RUVBL1: variants seen among roughly 807,000 people sequenced by gnomAD.
The protein encoded by RUVBL1 is RuvB like AAA ATPase 1, also known as ruvB-like 1.
RUVBL1 carries 4 observed loss-of-function variants against 52.4 expected under a neutral mutation model. The ratio of observed to expected loss-of-function variants is 0.08; its 90% confidence interval spans 0.04 to 0.17. The LOEUF (loss-of-function observed/expected upper bound fraction) is 0.17, where lower values mean the gene tolerates loss of function less well. Ranked by LOEUF, RUVBL1 falls within the 10% of genes least tolerant of loss-of-function variation. The probability of loss-of-function intolerance (pLI) is 1.00; values close to 1 mark genes in which losing one functional copy is unlikely to be tolerated. For missense variants in RUVBL1, 298 were observed against 572.8 expected (o/e 0.52, Z 4.90); for synonymous variants, 217 against 214.4 (o/e 1.01, Z -0.10).
chr3:128,148,829 T>G (rs1057386464), intron 1 of RUVBL1, among the ~76,000 whole-genome samples: 1 of 152,210 alleles, frequency 6.6e-6, no homozygotes, highest in Non-Finnish European at 1.5e-5. Context: ...AATATTATCT[T>G]AGAGATTGTT....
intron 6 of RUVBL1, 104 bp from the exon 7 acceptor site, chr3:128,099,049 T>G: frequency 1.1e-6 from 1 of 918,126 alleles, no homozygotes; most frequent in Admixed American, 1.8e-5. Flanking sequence ...TCCTGAGGTA[T>G]GGAGACCCCT....
rs187587329 is a variant in RUVBL1 at position 128,118,278 on chromosome 3, G to A, written c.228+1050C>T. Among the ~76,000 whole-genome samples the A allele has an allele frequency of 4.6e-4, 70 of 152,028 alleles. 1 individual carries two copies. The highest frequency in any genetic ancestry group is 1.7e-3 in the African/African-American group (69 of 41,376). ...CACAATTTGCTTTTATATAGGAAGA[G>A]AAAAAACTGTTCACAAATATAGCAC... On this transcript the variant is annotated intron_variant, in intron 2 of 10. Coordinates refer to ENST00000322623, the MANE Select transcript of RUVBL1 (RefSeq NM_003707.3).
At chr3:128,068,196 T>TTA in intron 9 of RUVBL1, 2 of 649,480 alleles carry the variant, frequency 3.1e-6, no homozygotes, top group Admixed American at 2.8e-5. Context: ...GAATTAAATG[T>TTA]TATATATTTA....
rs72986224 is a variant in RUVBL1 at position 128,090,028 on chromosome 3, G to A, written c.1017-2220C>T. 4.0e-3 allele frequency among the ~76,000 whole-genome samples: 612 copies of A among 151,950 alleles called. 7 individuals carry two copies. Among genetic ancestry groups the A allele is most frequent in the Middle Eastern group, 0.017 (5 of 292 alleles). ...ATGGTTACAGAGTTTCTGTTTTTGA[G>A]GTGATGAAAAAGTTTTGGAAATAGT... On this transcript the variant is annotated intron_variant, in intron 8 of 10. Transcript: ENST00000322623.
rs1159632417 is a variant in RUVBL1, at chr3:128,100,614, A to G, written c.734T>C (p.Val245Ala). 1 of 1,610,842 alleles carries G rather than the reference A, an allele frequency of 6.2e-7. No individual in the cohort carries two copies. The highest frequency in any genetic ancestry group is 8.5e-7 in the Non-Finnish European group (1 of 1,179,044). Residue 245 changes from valine (V) to alanine (A), a missense_variant, in exon 6 of 11, where the codon GTG (valine) becomes GCG (alanine). Around this residue, in one of 5 missense-constraint regions of RUVBL1, gnomAD observed 161 missense variants for 298.3 expected, o/e 0.54. Coordinates refer to ENST00000322623, the MANE Select transcript of RUVBL1 (RefSeq NM_003707.3). ...IQDVTLHDLD[V>A]ANARPQGGQD... ...CAGTACCTGGGGCCGCGCATTAGCC[A>G]CATCCAAGTCATGCAAGGTCACATC...
intron 9 of RUVBL1, among the ~76,000 whole-genome samples, chr3:128,086,081 C>T (rs1303493365): frequency 2.0e-5 from 3 of 152,186 alleles, no homozygotes; most frequent in African/African-American, 7.2e-5. Context: ...ACTGCAGCCT[C>T]GACCTCCTGG....
chr3:128,072,282 T>C (rs1437295063), intron 9 of RUVBL1, among the ~76,000 whole-genome samples: 1 of 152,104 alleles, frequency 6.6e-6, no homozygotes, highest in Non-Finnish European at 1.5e-5. Flanking sequence ...CCTGCCGCCG[T>C]CCCCACCACC....
intron 1 of RUVBL1, among the ~76,000 whole-genome samples, chr3:128,149,662 C>A (rs549559193): frequency 6.6e-5 from 10 of 152,206 alleles, no homozygotes; most frequent in African/African-American, 2.4e-4. Flanking sequence ...GGGCCTGAAA[C>A]GCTTCCAGAG....
intron 9 of RUVBL1, chr3:128,068,822 CACAG>C (rs1460186725): frequency 6.6e-6 from 1 of 152,506 alleles, no homozygotes; most frequent in Non-Finnish European, 1.5e-5. Context: ...CAGAAGCAGC[CACAG>C]ACAGACAACA....
intron 1 of RUVBL1, among the ~76,000 whole-genome samples, chr3:128,140,065 T>C (rs893815290): frequency 1.2e-4 from 18 of 152,016 alleles, no homozygotes; most frequent in Admixed American, 1.0e-3. Context: ...TTATGTACGC[T>C]TGAAATGGTG....
At chr3:128,140,228 G>GTTTTTTTTTT (rs372296453) in intron 1 of RUVBL1, among the ~76,000 whole-genome samples, 2 of 53,448 alleles carry the variant, frequency 3.7e-5, no homozygotes, top group Admixed American at 2.3e-4. Context: ...TTTTTTGTTT[G>GTTTTTTTTTT]TTTGTTTTTT....
At chr3:128,126,199 CTTTG>C (rs1235604907), upstream of RUVBL1, among the ~76,000 whole-genome samples, 11 of 106,060 alleles carry the variant, frequency 1.0e-4, no homozygotes, top group East Asian at 3.3e-3. Context: ...AGAGTTGTTC[CTTTG>C]TGTGTGTGTG....
upstream of RUVBL1, among the ~76,000 whole-genome samples, chr3:128,127,082 T>C (rs1328756377): frequency 1.3e-5 from 2 of 152,180 alleles, no homozygotes; most frequent in Non-Finnish European, 2.9e-5. Flanking sequence ...AGGTAATGGA[T>C]CTGCAGGCTG....
intron 9 of RUVBL1, chr3:128,068,153 G>A (rs1942041037): frequency 2.3e-6 from 2 of 878,450 alleles, no homozygotes; most frequent in South Asian, 1.4e-5. Context: ...GCACTTACTG[G>A]GTCACTAAAT....
intron 1 of RUVBL1, among the ~76,000 whole-genome samples, chr3:128,150,866 A>ATATATATATATTC (rs1478833377): frequency 7.2e-5 from 4 of 55,830 alleles, no homozygotes; most frequent in Non-Finnish European, 1.2e-4. Context: ...ATTATATATT[A>ATATATATATATTC]TATATATATA....
exon 1 of RUVBL1, chr3:128,153,459 A>T: frequency 6.9e-7 from 1 of 1,447,548 alleles, no homozygotes; most frequent in South Asian, 1.4e-5. Context: ...GCGACTACCG[A>T]GGGAGGTGAG....
chr3:128,129,935 A>G (rs766502255), intron 1 of RUVBL1, among the ~76,000 whole-genome samples: 4 of 152,220 alleles, frequency 2.6e-5, no homozygotes, highest in Non-Finnish European at 4.4e-5. Flanking sequence ...GAGATGGATG[A>G]TAGTGATGGT....
rs1943014361 is a variant in RUVBL1 at position 128,097,642 on chromosome 3, C to G, written c.818-144G>C. On this transcript the variant is annotated intron_variant, in intron 7 of 10. Coordinates refer to ENST00000322623, the MANE Select transcript of RUVBL1 (RefSeq NM_003707.3). ...TATGTGATCCCAGACAGGGTGTGTC[C>G]CCACTCCAGGTTTCAGTGTCGTCAT... 8.5e-6 allele frequency: 6 copies of G among 704,856 alleles called. No homozygotes were observed. In the Admixed American group the frequency reaches 1.3e-4, roughly 16 times the overall value. 43.7% of individuals were successfully genotyped at this position (704,856 alleles called of 1,614,324 possible).
intron 9 of RUVBL1, among the ~76,000 whole-genome samples, chr3:128,066,130 G>A (rs972554282): frequency 6.6e-6 from 1 of 152,062 alleles, no homozygotes; most frequent in African/African-American, 2.4e-5. Context: ...TAGTCTCCAG[G>A]GGTTTCAGAG....
Sources: gnomAD v4.1 joint callset for allele counts (sites outside exome capture counted in the v4.1 genomes callset) on GRCh38, gnomAD v4.1.1 for gene constraint, gnomAD v4.1.1 regional missense constraint, MANE v1.5 for transcripts, NCBI Gene and HGNC (gene_info 2026-07-23, HGNC 2026-07-21) for gene names.